The following IREB2 variants were observed in gnomAD, a reference collection of about 807,000 sequenced individuals.
IREB2 encodes the protein iron-responsive element-binding protein 2.
IREB2 carries 39 observed loss-of-function variants against 118.8 expected under a neutral mutation model. That is an observed-to-expected ratio of 0.33 (90% CI 0.25 to 0.43). IREB2 has a LOEUF of 0.43. IREB2 is among the 20% of genes least tolerant of loss of function. The probability of loss-of-function intolerance (pLI) is 1.00; values close to 1 mark genes in which losing one functional copy is unlikely to be tolerated. For missense variants in IREB2, 900 were observed against 1,147.3 expected (o/e 0.78, Z 3.11); for synonymous variants, 372 against 392.2 (o/e 0.95, Z 0.61).
At chr15:78,451,063 C>T (rs2051018175) in intron 2 of IREB2, among the ~76,000 whole-genome samples, 1 of 152,022 alleles carries the variant, frequency 6.6e-6, no homozygotes, top group Non-Finnish European at 1.5e-5. Flanking sequence ...CTCTTAGGTT[C>T]AAGCGATTCT....
intron 18 of IREB2, 76 bp downstream of exon 18, chr15:78,490,837 TC>T: frequency 7.3e-7 from 1 of 1,366,742 alleles, no homozygotes; most frequent in Non-Finnish European, 1.0e-6. Context: ...TTGGTCTTGT[TC>T]CTTTTTTCCA....
chr15:78,459,800 TA>T (rs1388708481), intron 2 of IREB2, among the ~76,000 whole-genome samples: 2 of 149,702 alleles, frequency 1.3e-5, no homozygotes, highest in African/African-American at 2.5e-5. Flanking sequence ...TAATCTGTAA[TA>T]GTCTTCCTCT....
At chr15:78,438,512 C>CTT in intron 1 of IREB2, 156 bp downstream of exon 1, 1 of 824,768 alleles carries the variant, frequency 1.2e-6, no homozygotes, top group African/African-American at 1.7e-5. Context: ...CTGGGCCGCC[C>CTT]TTTGAGCCTA....
intron 9 of IREB2, 145 bp downstream of exon 9, chr15:78,476,504 A>C: frequency 1.8e-6 from 1 of 567,774 alleles, no homozygotes; most frequent in Admixed American, 3.1e-5. Flanking sequence ...CAAACATCAG[A>C]TGTCTTTAAA....
chr15:78,473,699 G>A, intron 8 of IREB2: 1 of 218,442 alleles, frequency 4.6e-6, no homozygotes, highest in Admixed American at 5.4e-5. Context: ...CTTACCAAAG[G>A]GTCGAAGGCC....
At chr15:78,489,176 C>T (rs752048075) in intron 16 of IREB2, among the ~76,000 whole-genome samples, 41 of 151,210 alleles carry the variant, frequency 2.7e-4, no homozygotes, top group African/African-American at 8.3e-4. Context: ...GATCCGAGAT[C>T]GCGCCACTGC....
At position 78,485,675 on chromosome 15, in the gene IREB2, A is replaced by G. The variant is rs773799027; in HGVS notation, c.1574-30A>G. ...GTGAGAGAGGGAAAGAAACATTGCCATAATAAATCATTGTTTGTTGGCTGT... is the reference window on the plus strand; with the variant it reads ...GTGAGAGAGGGAAAGAAACATTGCCGTAATAAATCATTGTTTGTTGGCTGT... On this transcript the variant is annotated intron_variant, in intron 12 of 21. Coordinates refer to ENST00000258886, the MANE Select transcript of IREB2 (RefSeq NM_004136.4). 59 of 1,605,666 alleles carry G rather than the reference A, an allele frequency of 3.7e-5. 1 individual carries two copies. The highest frequency in any genetic ancestry group is 3.1e-4 in the South Asian group (28 of 89,720).
intron 20 of IREB2, among the ~76,000 whole-genome samples, chr15:78,496,520 G>A (rs754965838): frequency 6.6e-6 from 1 of 151,934 alleles, no homozygotes; most frequent in Non-Finnish European, 1.5e-5. Flanking sequence ...TGCCCACCTC[G>A]GCCTCCCATA....
chr15:78,490,809 C>T (rs754129068), intron 18 of IREB2, 48 bp downstream of exon 18: 6 of 1,563,700 alleles, frequency 3.8e-6, no homozygotes, highest in Non-Finnish European at 4.4e-6. Flanking sequence ...TTGTTTCTTA[C>T]TGATTAAGAG....
chr15:78,457,320 T>C (rs2051122565), intron 2 of IREB2, among the ~76,000 whole-genome samples: 1 of 152,176 alleles, frequency 6.6e-6, no homozygotes, highest in Admixed American at 6.5e-5. Context: ...CAGCCGTTGT[T>C]GTAGAAGAGT....
intron 2 of IREB2, among the ~76,000 whole-genome samples, chr15:78,443,328 C>T (rs2050875127): frequency 6.6e-6 from 1 of 152,130 alleles, no homozygotes; most frequent in Non-Finnish European, 1.5e-5. Flanking sequence ...TGTATTTTAC[C>T]TTTACATCTT....
rs1344550306 is a variant in IREB2 at position 78,439,879 on chromosome 15, A to G, written c.104A>G (p.Tyr35Cys). The change falls in exon 2 of 22, where the codon TAT (tyrosine) becomes TGT (cysteine). Residue 35 changes from tyrosine (Y) to cysteine (C), a missense_variant and splice_region_variant. Tyr to Cys is a radical substitution (Grantham distance 194, BLOSUM62 -2). Transcript: ENST00000258886. Reference sequence around the variant, plus strand: ...GATGTATCTAAACTTGGCACCAAGTATGGTAATGTTGCTTTACATTTTCTT... The same window carrying G: ...GATGTATCTAAACTTGGCACCAAGTGTGGTAATGTTGCTTTACATTTTCTT... ...FFDVSKLGTK[Y>C]DVLPYSIRVL... 2 of 1,562,636 alleles carry G rather than the reference A, an allele frequency of 1.3e-6. No individual in the cohort carries two copies. The highest frequency in any genetic ancestry group is 1.8e-6 in the Non-Finnish European group (2 of 1,137,806).
At chr15:78,452,125 G>A (rs971635616) in intron 2 of IREB2, among the ~76,000 whole-genome samples, 3 of 152,168 alleles carry the variant, frequency 2.0e-5, no homozygotes, top group African/African-American at 7.2e-5. Context: ...ATGTACTGGT[G>A]GTTGGGACTA....
chr15:78,472,392 C>A (rs528112906), intron 7 of IREB2, among the ~76,000 whole-genome samples: 1 of 151,076 alleles, frequency 6.6e-6, no homozygotes, highest in Admixed American at 6.6e-5. Flanking sequence ...TTGGAGACAG[C>A]ATCTTGCTCT....
At chr15:78,478,161 G>A in intron 9 of IREB2, 136 bp from the exon 10 acceptor site, 2 of 577,416 alleles carry the variant, frequency 3.5e-6, no homozygotes, top group Non-Finnish European at 6.2e-6. Flanking sequence ...TTGAGCTCGG[G>A]AGGTCAAGGT....
At chr15:78,472,026 T>TATACAAA in intron 7 of IREB2, 102 bp downstream of exon 7, 2 of 812,448 alleles carry the variant, frequency 2.5e-6, no homozygotes, top group South Asian at 2.9e-5. Context: ...TCTTTGAGGC[T>TATACAAA]CTGTGTTTTT....
intron 8 of IREB2, chr15:78,475,903 TGAG>T (rs2051461513): frequency 4.5e-6 from 1 of 219,848 alleles, no homozygotes; most frequent in African/African-American, 2.3e-5. Flanking sequence ...ACTATTGAGT[TGAG>T]GTACCCTGAT....
intron 10 of IREB2, among the ~76,000 whole-genome samples, chr15:78,482,498 G>A (rs1486407924): frequency 6.6e-6 from 1 of 152,198 alleles, no homozygotes; most frequent in African/African-American, 2.4e-5. Flanking sequence ...CTCTGGAACA[G>A]GAAAAAGAAC....
intron 11 of IREB2, 124 bp downstream of exon 11, chr15:78,483,558 G>A: frequency 3.4e-6 from 2 of 594,114 alleles, no homozygotes; most frequent in Admixed American, 2.6e-5. Context: ...CACACCAGCA[G>A]CCCCCTTATT....
Sources: allele counts gnomAD v4.1 joint callset (sites outside exome capture counted in the v4.1 genomes callset), GRCh38; gene constraint gnomAD v4.1.1; transcripts MANE v1.5; gene names NCBI Gene and HGNC (gene_info 2026-07-23, HGNC 2026-07-21).